The following DLGAP4 variants were observed in gnomAD, a reference collection of about 807,000 sequenced individuals.
DLGAP4 encodes the protein DLG associated protein 4.
In DLGAP4, 18 loss-of-function variants were observed where a neutral mutation model predicts 86.9. That is an observed-to-expected ratio of 0.21 (90% confidence interval 0.14 to 0.31). The LOEUF (loss-of-function observed/expected upper bound fraction) is 0.31, where lower values mean the gene tolerates loss of function less well. DLGAP4 is among the 10% of genes least tolerant of loss of function. DLGAP4 has a pLI of 1.00. For synonymous variants in DLGAP4, 548 were observed against 574.3 expected (o/e 0.95, Z 0.65); for missense variants, 1,085 against 1,362.6 (o/e 0.80, Z 3.21).
intron 1 of DLGAP4, among the ~76,000 whole-genome samples, chr20:36,329,761 G>A (rs1255794155): frequency 1.4e-4 from 22 of 151,800 alleles, no homozygotes; most frequent in African/African-American, 4.8e-4. Context: ...GGCCAGGTGC[G>A]ATGGCTCACG....
chr20:36,403,082 G>A (rs890206797), intron 2 of DLGAP4, among the ~76,000 whole-genome samples: 3 of 152,314 alleles, frequency 2.0e-5, no homozygotes, highest in East Asian at 3.9e-4. Context: ...CAGCCAGAGC[G>A]GATATGTCTT....
chr20:36,521,041 C>T (rs2037347970), intron 10 of DLGAP4, among the ~76,000 whole-genome samples: 1 of 152,192 alleles, frequency 6.6e-6, no homozygotes, highest in Non-Finnish European at 1.5e-5. Flanking sequence ...CCATGTTGAC[C>T]AGGCTGGTCT....
rs185291998 is a variant in DLGAP4, at chr20:36,451,602, C to T, written c.1648+4665C>T. Among the ~76,000 whole-genome samples, 36 of 152,162 alleles carry T rather than the reference C, an allele frequency of 2.4e-4. No individual in the cohort carries two copies. In the East Asian group the frequency reaches 6.2e-3, roughly 26 times the overall value. On this transcript the variant is annotated intron_variant, in intron 7 of 12. Coordinates refer to ENST00000339266, the MANE Select transcript of DLGAP4 (RefSeq NM_001365621.2). The stretch of plus-strand genomic sequence containing the variant: ...CTGACCTCAAGTGATCCACCCGCCT[C>T]GGCCTCACAAAGTGCTGGGATTACA...
In DLGAP4 at chr20:36,496,873, G is replaced by A. The variant is rs1346184733; in HGVS notation, c.1817G>A (p.Ser606Asn). ...GAGGTGACTAGCCAGTCGGGCCTGA[G>A]CAACTCGTCGGACAGCCTGGACAGC... ...KSEVTSQSGL[S>N]NSSDSLDSST... is the part of the protein sequence containing the mutation. Residue 606 changes from serine to asparagine, a missense_variant, in exon 8 of 13, where the codon AGC becomes AAC. Around this residue, in one of 2 missense-constraint regions of DLGAP4, gnomAD observed 1,082 missense variants for 1,344.1 expected, o/e 0.81. Transcript: ENST00000339266. The A allele has an allele frequency of 3.1e-6, 5 of 1,614,102 alleles. No individual in the cohort carries two copies. Among genetic ancestry groups the A allele is most frequent in the South Asian group, 1.1e-5 (1 of 91,088 alleles).
intron 4 of DLGAP4, among the ~76,000 whole-genome samples, chr20:36,437,995 C>T (rs1191695994): frequency 6.6e-6 from 1 of 152,182 alleles, no homozygotes; most frequent in African/African-American, 2.4e-5. Context: ...TGTCGACCTC[C>T]TGTGCTCAAG....
intron 7 of DLGAP4, among the ~76,000 whole-genome samples, chr20:36,489,813 C>G (rs958423188): frequency 5.4e-4 from 80 of 147,728 alleles, no homozygotes; most frequent in African/African-American, 1.9e-3. Context: ...GCCAGTCCCT[C>G]TTGCTGGAGT....
intron 10 of DLGAP4, among the ~76,000 whole-genome samples, chr20:36,507,372 C>T (rs1176592869): frequency 6.6e-6 from 1 of 152,096 alleles, no homozygotes; most frequent in Admixed American, 6.6e-5. Context: ...GGATTACAGG[C>T]ACATGCCACC....
chr20:36,425,560 T>TCA (rs146166118), intron 2 of DLGAP4, among the ~76,000 whole-genome samples: 1,580 of 116,818 alleles, frequency 0.014, 33 homozygotes, highest in African/African-American at 0.047. Flanking sequence ...GCGTGGTGGC[T>TCA]CGCCTGTAAT....
In DLGAP4 at chr20:36,488,444, T is replaced by C. The variant is rs148459787; in HGVS notation, c.1649-8261T>C. 7.6e-4 allele frequency among the ~76,000 whole-genome samples: 115 copies of C among 152,314 alleles called. 1 individual carries two copies. The East Asian group carries it at 0.013, about 17-fold the overall frequency. ...AGTAGATTCTCATTCACTGTAGTTA[T>C]GTTCACAGAGTCATAGTGAATGCTA... On this transcript the variant is annotated intron_variant, in intron 7 of 12. Coordinates refer to ENST00000339266, the MANE Select transcript of DLGAP4 (RefSeq NM_001365621.2).
intron 2 of DLGAP4, among the ~76,000 whole-genome samples, chr20:36,386,259 C>T (rs944640821): frequency 6.6e-6 from 1 of 151,986 alleles, no homozygotes; most frequent in Non-Finnish European, 1.5e-5. Flanking sequence ...CATTCTGGGG[C>T]TCAAATCATA....
chr20:36,523,516 G>A (rs1434309938), intron 10 of DLGAP4, among the ~76,000 whole-genome samples: 1 of 152,096 alleles, frequency 6.6e-6, no homozygotes, highest in East Asian at 1.9e-4. Context: ...CATTTTCCAT[G>A]TTTATTTAAT....
intron 2 of DLGAP4, among the ~76,000 whole-genome samples, chr20:36,375,805 C>T (rs1240596539): frequency 1.3e-5 from 2 of 152,072 alleles, no homozygotes; most frequent in Non-Finnish European, 2.9e-5. Context: ...CTAGAGAGGT[C>T]GACCAAGGCT....
intron 7 of DLGAP4, among the ~76,000 whole-genome samples, chr20:36,493,563 C>G (rs2035758223): frequency 6.6e-6 from 1 of 152,202 alleles, no homozygotes; most frequent in African/African-American, 2.4e-5. Flanking sequence ...CTCCCACAGT[C>G]AGATTTTGGT....
intron 7 of DLGAP4, among the ~76,000 whole-genome samples, chr20:36,458,685 G>A (rs893966239): frequency 6.6e-6 from 1 of 152,002 alleles, no homozygotes; most frequent in Admixed American, 6.6e-5. Context: ...GCAACAGAAT[G>A]AGACTCCGTC....
chr20:36,461,485 C>G, intron 7 of DLGAP4: 11 of 981,772 alleles, frequency 1.1e-5, no homozygotes, highest in Non-Finnish European at 1.3e-5. Context: ...ACCGGAGCCT[C>G]GGGCCGGGCT....
At chr20:36,492,291 C>T (rs550422663) in intron 7 of DLGAP4, 1 of 152,562 alleles carries the variant, frequency 6.6e-6, no homozygotes, top group African/African-American at 2.4e-5. Flanking sequence ...CCCAGGGAGC[C>T]CCTGAAGCCC....
At chr20:36,485,944 A>T (rs1444619531) in intron 7 of DLGAP4, among the ~76,000 whole-genome samples, 2 of 152,142 alleles carry the variant, frequency 1.3e-5, no homozygotes, top group African/African-American at 4.8e-5. Context: ...GCCCAGCTTC[A>T]AGCAGATTTG....
intron 10 of DLGAP4, among the ~76,000 whole-genome samples, chr20:36,517,001 C>G (rs549844711): frequency 3.3e-5 from 5 of 151,428 alleles, no homozygotes; most frequent in Admixed American, 1.3e-4. Context: ...CGCCTGACCT[C>G]GTGATCCGCC....
rs184896572 is a variant in DLGAP4, at chr20:36,406,315, G to A, written c.-72-25331G>A. On this transcript the variant is annotated intron_variant, in intron 2 of 12. Transcript: ENST00000339266. ...CAGGAGGCTGAGGCAGGAGAATGGCGTGAACCTGGGAGGCGGAGCTTGCAG... is the reference window on the plus strand; with the variant it reads ...CAGGAGGCTGAGGCAGGAGAATGGCATGAACCTGGGAGGCGGAGCTTGCAG... Among the ~76,000 whole-genome samples, 1,318 of 150,798 alleles carry A rather than the reference G, an allele frequency of 8.7e-3. 19 individuals carry two copies. The highest frequency in any genetic ancestry group is 0.03 in the African/African-American group (1,243 of 40,988).
Sources: gnomAD v4.1 joint callset for allele counts (sites outside exome capture counted in the v4.1 genomes callset) on GRCh38, gnomAD v4.1.1 for gene constraint, gnomAD v4.1.1 regional missense constraint, MANE v1.5 for transcripts, NCBI Gene and HGNC (gene_info 2026-07-23, HGNC 2026-07-21) for gene names.